PLEKHA5: variants seen among roughly 807,000 people sequenced by gnomAD.
PLEKHA5 encodes the protein pleckstrin homology domain containing A5.
PLEKHA5 carries 55 observed loss-of-function variants against 181.9 expected under a neutral mutation model. The observed-to-expected ratio is 0.30, with a 90% CI of 0.24 to 0.38. The LOEUF (loss-of-function observed/expected upper bound fraction) is 0.38. Ranked by LOEUF, PLEKHA5 falls within the 10% of genes least tolerant of loss-of-function variation. The pLI is 1.00. For missense variants in PLEKHA5, 1,432 were observed against 1,549.5 expected (o/e 0.92, Z 1.27); for synonymous variants, 535 against 529.4 (o/e 1.01, Z -0.15).
intron 14 of PLEKHA5, 41 bp downstream of exon 14, chr12:19,290,837 C>T (rs1325203385): frequency 6.7e-7 from 1 of 1,493,908 alleles, no homozygotes; most frequent in Non-Finnish European, 8.9e-7. Flanking sequence ...CTGCCATCAT[C>T]TCTTATTTTG....
chr12:19,214,509 A>G (rs759390709), intron 3 of PLEKHA5, among the ~76,000 whole-genome samples: 5 of 152,188 alleles, frequency 3.3e-5, no homozygotes, highest in Non-Finnish European at 5.9e-5. Context: ...CAGCTGGTAC[A>G]TAGGAGCCAG....
intron 25 of PLEKHA5, among the ~76,000 whole-genome samples, chr12:19,351,312 G>T (rs943211777): frequency 6.6e-5 from 10 of 152,032 alleles, no homozygotes; most frequent in African/African-American, 2.4e-4. Context: ...CGAAGCAGAT[G>T]GATTGCTTGA....
intron 20 of PLEKHA5, among the ~76,000 whole-genome samples, chr12:19,332,355 A>C (rs1357221677): frequency 1.3e-5 from 2 of 152,326 alleles, no homozygotes; most frequent in East Asian, 3.9e-4. Flanking sequence ...ATGTTCTCAG[A>C]AAAGCACACA....
At chr12:19,305,733 GC>G (rs2083142368) in intron 15 of PLEKHA5, among the ~76,000 whole-genome samples, 1 of 151,706 alleles carries the variant, frequency 6.6e-6, no homozygotes, top group Admixed American at 6.6e-5. Context: ...TGTGGCACAT[GC>G]CTGTAATCCC....
intron 22 of PLEKHA5, 35 bp downstream of exon 22, chr12:19,343,469 C>A: frequency 1.8e-6 from 2 of 1,136,240 alleles, no homozygotes; most frequent in Non-Finnish European, 2.7e-6. Context: ...TGTGACTGAC[C>A]ACAGTATTAC....
intron 12 of PLEKHA5, among the ~76,000 whole-genome samples, chr12:19,283,965 C>T (rs1018098817): frequency 2.0e-5 from 3 of 152,104 alleles, no homozygotes; most frequent in Non-Finnish European, 4.4e-5. Flanking sequence ...AACACAGGAG[C>T]AGTTCTTTTG....
chr12:19,202,392 A>G (rs1332253520), intron 3 of PLEKHA5, among the ~76,000 whole-genome samples: 1 of 152,098 alleles, frequency 6.6e-6, no homozygotes, highest in Non-Finnish European at 1.5e-5. Flanking sequence ...AACAAGACTC[A>G]TAAGTTGAAA....
intron 11 of PLEKHA5, among the ~76,000 whole-genome samples, chr12:19,279,574 A>G (rs2075515634): frequency 6.6e-6 from 1 of 151,860 alleles, no homozygotes; most frequent in African/African-American, 2.4e-5. Flanking sequence ...GAGGCAGGAG[A>G]ATCGTTTGAA....
intron 3 of PLEKHA5, among the ~76,000 whole-genome samples, chr12:19,193,206 G>A (rs1182103482): frequency 2.0e-5 from 3 of 152,144 alleles, no homozygotes; most frequent in African/African-American, 7.2e-5. Flanking sequence ...ATGTGGTTTT[G>A]ATTTTTTAAG....
At chr12:19,257,626 T>C (rs1371676632) in intron 6 of PLEKHA5, 89 bp downstream of exon 6, 3 of 753,564 alleles carry the variant, frequency 4.0e-6, no homozygotes, top group Non-Finnish European at 6.6e-6. Context: ...TATAAAATCA[T>C]AAAATTAAGA....
At chr12:19,132,228 G>C (rs2034127743) in intron 2 of PLEKHA5, among the ~76,000 whole-genome samples, 165 bp from the exon 3 acceptor site, 1 of 151,882 alleles carries the variant, frequency 6.6e-6, no homozygotes, top group Non-Finnish European at 1.5e-5. Context: ...TTGAATTGCT[G>C]TTTTTCAAAA....
At chr12:19,265,727 T>A in intron 7 of PLEKHA5, 23 bp from the exon 8 acceptor site, 1 of 1,285,686 alleles carries the variant, frequency 7.8e-7, no homozygotes, top group Non-Finnish European at 1.1e-6. Flanking sequence ...AAAATTCTAA[T>A]CAGATGTTAA....
chr12:19,363,585 G>A (rs370103739), intron 29 of PLEKHA5, among the ~76,000 whole-genome samples: 20 of 151,830 alleles, frequency 1.3e-4, no homozygotes, highest in South Asian at 1.0e-3. Context: ...TCCACCTCCT[G>A]GGTTCAAGCG....
At position 19,166,045 on chromosome 12, in the gene PLEKHA5, G is replaced by T. The variant is rs147270018; in HGVS notation, c.227+33595G>T. On this transcript the variant is annotated intron_variant, in intron 3 of 31. Transcript: ENST00000429027. Reference sequence around the variant, plus strand: ...TGGCAACTGAGGCAAAAAGAAGGCAGTAACTGCCCAAGGTCAGACAGGCAG... The same window carrying T: ...TGGCAACTGAGGCAAAAAGAAGGCATTAACTGCCCAAGGTCAGACAGGCAG... 1.5e-3 allele frequency among the ~76,000 whole-genome samples: 227 copies of T among 152,296 alleles called. 1 individual carries two copies. Among genetic ancestry groups the T allele is most frequent in the South Asian group, 2.5e-3 (12 of 4,828 alleles).
chr12:19,158,530 G>T (rs1324793435), intron 3 of PLEKHA5, among the ~76,000 whole-genome samples: 5 of 151,704 alleles, frequency 3.3e-5, no homozygotes, highest in South Asian at 4.2e-4. Context: ...TTTTTTTTCA[G>T]GTTCTGAGCT....
intron 3 of PLEKHA5, among the ~76,000 whole-genome samples, chr12:19,184,749 C>T (rs113307027): frequency 0.017 from 2,605 of 152,022 alleles, 90 homozygotes; most frequent in African/African-American, 0.059. Context: ...TTTAAAAATG[C>T]GGGAATGGAA....
chr12:19,223,552 T>C (rs2152319567), intron 3 of PLEKHA5, among the ~76,000 whole-genome samples: 1 of 152,282 alleles, frequency 6.6e-6, no homozygotes, highest in South Asian at 2.1e-4. Flanking sequence ...ATTTGGTTTT[T>C]CCCAAAGCAT....
At chr12:19,165,628 T>A (rs2151561944) in intron 3 of PLEKHA5, among the ~76,000 whole-genome samples, 1 of 152,270 alleles carries the variant, frequency 6.6e-6, no homozygotes, top group Admixed American at 6.5e-5. Context: ...ACAGAAGAGT[T>A]AAACTAGAAA....
intron 3 of PLEKHA5, among the ~76,000 whole-genome samples, chr12:19,155,616 A>G (rs1197180112): frequency 6.6e-6 from 1 of 152,306 alleles, no homozygotes; most frequent in Non-Finnish European, 1.5e-5. Flanking sequence ...TAAAGTGTTA[A>G]CCATAGTCTT....
Sources: gnomAD v4.1 joint callset for allele counts (sites outside exome capture counted in the v4.1 genomes callset) on GRCh38, gnomAD v4.1.1 for gene constraint, MANE v1.5 for transcripts, NCBI Gene and HGNC (gene_info 2026-07-23, HGNC 2026-07-21) for gene names.